STIL: variants seen among roughly 807,000 people sequenced by gnomAD.
STIL encodes STIL centriolar assembly protein.
A neutral mutation model predicts 110.1 loss-of-function variants in STIL; 55 were observed. The observed-to-expected ratio is 0.50, with a 90% CI of 0.40 to 0.63. STIL has a LOEUF of 0.63. STIL is among the 20% of genes least tolerant of loss of function. The pLI, the probability that STIL is intolerant of heterozygous loss-of-function variation, is 0.00. For missense variants in STIL, 1,358 were observed against 1,530.0 expected (o/e 0.89, Z 1.87); for synonymous variants, 481 against 530.0 (o/e 0.91, Z 1.27).
At chr1:47,313,432 C>T (rs1301036466) in intron 1 of STIL, among the ~76,000 whole-genome samples, 3 of 151,820 alleles carry the variant, frequency 2.0e-5, no homozygotes, top group South Asian at 2.1e-4. Context: ...CAACCTTAAC[C>T]CCCCCATCCA....
At chr1:47,282,526 G>T (rs919966151) in intron 10 of STIL, 67 bp from the exon 11 acceptor site, 8 of 935,396 alleles carry the variant, frequency 8.6e-6, no homozygotes, top group Non-Finnish European at 1.4e-5. Context: ...TCTAGAAATT[G>T]AATAAAGTCC....
At chr1:47,265,259 A>AAAAC (rs1422353607) in intron 14 of STIL, among the ~76,000 whole-genome samples, 21 of 150,644 alleles carry the variant, frequency 1.4e-4, no homozygotes, top group Non-Finnish European at 2.7e-4. Flanking sequence ...AAAAAAAAAA[A>AAAAC]ACACAAGATT....
intron 14 of STIL, among the ~76,000 whole-genome samples, chr1:47,266,827 T>C (rs1159125480): frequency 6.6e-6 from 1 of 152,160 alleles, no homozygotes; most frequent in African/African-American, 2.4e-5. Flanking sequence ...AAAATGAAAA[T>C]CAGATCATAA....
chr1:47,257,604 A>T (rs961870868), intron 16 of STIL, among the ~76,000 whole-genome samples: 1 of 152,228 alleles, frequency 6.6e-6, no homozygotes, highest in South Asian at 2.1e-4. Flanking sequence ...ATTAGTACAG[A>T]TCTTTAAAAG....
intron 16 of STIL, among the ~76,000 whole-genome samples, chr1:47,257,996 G>A (rs548610865): frequency 6.6e-6 from 1 of 152,264 alleles, no homozygotes; most frequent in African/African-American, 2.4e-5. Context: ...CTTAGCAACA[G>A]CTTTAAAATT....
intron 10 of STIL, among the ~76,000 whole-genome samples, chr1:47,286,258 GC>G (rs35368883): frequency 0.038 from 5,830 of 151,854 alleles, 144 homozygotes; most frequent in Middle Eastern, 0.12. Flanking sequence ...ATATCTGCCT[GC>G]CCCCCACCAC....
rs1415154339 is a variant in STIL, at chr1:47,282,470, G to A, written c.1134-11C>T. 2 of 1,530,324 alleles carry A rather than the reference G, an allele frequency of 1.3e-6. No individual in the cohort carries two copies. Among genetic ancestry groups the A allele is most frequent in the Non-Finnish European group, 1.8e-6 (2 of 1,105,832 alleles). 94.8% of individuals were successfully genotyped at this position (1,530,324 alleles called of 1,614,324 possible). A position where few individuals can be genotyped will look rare whatever the true frequency, so the allele number is the denominator to read the frequency against. ...AACTTTTGGGAAGACCTAAAGAATA[G>A]AAGGGGAGACCAGAAAAGCCTTTGG... On this transcript the variant is annotated splice_polypyrimidine_tract_variant and intron_variant, in intron 10 of 16. Coordinates refer to ENST00000371877, the MANE Select transcript of STIL (RefSeq NM_001048166.1).
At chr1:47,270,203 A>G (rs1644778957) in intron 13 of STIL, among the ~76,000 whole-genome samples, 1 of 144,762 alleles carries the variant, frequency 6.9e-6, no homozygotes, top group African/African-American at 2.6e-5. Flanking sequence ...GTGCTACTGC[A>G]TTCCAGCCTG....
intron 9 of STIL, among the ~76,000 whole-genome samples, chr1:47,288,867 T>C (rs1033525843): frequency 9.9e-5 from 13 of 131,896 alleles, no homozygotes; most frequent in Non-Finnish European, 1.9e-4. Context: ...GCCAACATGG[T>C]GAAACTCCCT....
intron 8 of STIL, 23 bp from the exon 9 acceptor site, chr1:47,289,608 T>C (rs1331783713): frequency 6.3e-7 from 1 of 1,597,250 alleles, no homozygotes; most frequent in East Asian, 2.2e-5. Context: ...AGTCATTTAA[T>C]TAAAATTTAA....
At chr1:47,282,239 T>C (rs535221079) in intron 11 of STIL, 106 bp downstream of exon 11, 3 of 753,650 alleles carry the variant, frequency 4.0e-6, no homozygotes, top group East Asian at 2.5e-5. Context: ...GCTAGATATA[T>C]CTAAGAATGA....
rs771392540 is a variant in STIL, at chr1:47,269,731, C to T, written c.2519G>A (p.Gly840Asp). The T allele has an allele frequency of 6.8e-6, 11 of 1,614,140 alleles. No individual in the cohort carries two copies. The highest frequency in any genetic ancestry group is 2.2e-5 in the East Asian group (1 of 44,872). Residue 840 changes from glycine to aspartate, a missense_variant, in exon 14 of 17, where the codon GGT becomes GAT. Transcript: ENST00000371877. ...DINNEVTSLP[G>D]SASSLKAVDI... ...AACTGCTTTTAATGAAGATGCACTA[C>T]CTGGAAGACTTGTGACTTCATTATT...
chr1:47,289,078 A>AAC (rs1471191726), intron 9 of STIL, among the ~76,000 whole-genome samples: 4 of 149,798 alleles, frequency 2.7e-5, no homozygotes, highest in Admixed American at 2.0e-4. Flanking sequence ...AAAAAAAAAA[A>AAC]AAAAAAAACA....
At chr1:47,291,551 T>C (rs1032987594) in intron 8 of STIL, among the ~76,000 whole-genome samples, 2 of 151,918 alleles carry the variant, frequency 1.3e-5, no homozygotes, top group Admixed American at 6.6e-5. Context: ...ATTCTGTTTA[T>C]TGCCTGTCTC....
intron 14 of STIL, among the ~76,000 whole-genome samples, chr1:47,265,344 GAATA>G (rs1027479916): frequency 7.3e-5 from 11 of 151,242 alleles, no homozygotes; most frequent in African/African-American, 2.2e-4. Context: ...GAGTTAAGGA[GAATA>G]AATAAAGATC....
intron 14 of STIL, among the ~76,000 whole-genome samples, chr1:47,269,298 A>G (rs891883430): frequency 6.6e-6 from 1 of 152,190 alleles, no homozygotes; most frequent in Non-Finnish European, 1.5e-5. Flanking sequence ...AAGTAAAGAC[A>G]TAAAAGAAAA....
In STIL at chr1:47,251,375, GT is replaced by G; in HGVS notation, c.3627del (p.Lys1209AsnfsTer4). On this transcript the variant is annotated frameshift_variant, in exon 17 of 17. Coordinates refer to ENST00000371877, the MANE Select transcript of STIL (RefSeq NM_001048166.1). LOFTEE classifies it high-confidence loss of function. The part of the protein sequence containing the change: ...ITNEVLQTKA[K>X]QQLTEKPAFL... ...AAAGCTGGCTTTTCAGTCAACTGCTGTTTTGCTTTTGTCTGCAAAACTTCAT... is the reference window on the plus strand; with the variant it reads ...AAAGCTGGCTTTTCAGTCAACTGCTGTTTGCTTTTGTCTGCAAAACTTCAT... 6.2e-7 allele frequency: 1 copy of G among 1,614,190 alleles called. No individual in the cohort carries two copies. Among genetic ancestry groups the G allele is most frequent in the Non-Finnish European group, 8.5e-7 (1 of 1,180,032 alleles).
chr1:47,297,778 C>T (rs61782713), intron 6 of STIL, among the ~76,000 whole-genome samples: 4 of 151,820 alleles, frequency 2.6e-5, no homozygotes, highest in African/African-American at 7.3e-5. Context: ...ATTTAATAGA[C>T]GATTCTAGAT....
In STIL at chr1:47,260,467, T is replaced by G. The variant is rs1368593013; in HGVS notation, c.2902A>C (p.Ser968Arg). The stretch of plus-strand genomic sequence containing the variant: ...TTTTGGGTTCTGGTGCATTCATGAC[T>G]GATAATTACTGCTTTGGTAGACGGC... ...EQPSTKAVIISHECTRTQNVY... is the reference protein window; with the variant it reads ...EQPSTKAVIIRHECTRTQNVY... The change falls in exon 16 of 17, where the codon AGT (serine) becomes CGT (arginine). Residue 968 changes from serine to arginine, a missense_variant. By Grantham distance (110) the Ser-to-Arg change is moderately radical. Transcript: ENST00000371877. The G allele has an allele frequency of 6.2e-7, 1 of 1,614,216 alleles. No individual in the cohort carries two copies. Among genetic ancestry groups the G allele is most frequent in the South Asian group, 1.1e-5 (1 of 91,088 alleles).
Sources: allele counts gnomAD v4.1 joint callset (sites outside exome capture counted in the v4.1 genomes callset), GRCh38; gene constraint gnomAD v4.1.1; transcripts MANE v1.5; gene names NCBI Gene and HGNC (gene_info 2026-07-23, HGNC 2026-07-21).